Variants in CHRDL1 observed in about 807,000 individuals in gnomAD.
The protein encoded by CHRDL1 is chordin-like protein 1.
Under a neutral mutation model 40.9 loss-of-function variants are expected in CHRDL1, and 19 were observed. The ratio of observed to expected loss-of-function variants is 0.46; its 90% confidence interval spans 0.32 to 0.68. CHRDL1 has a LOEUF of 0.68. Among genes scored for constraint, CHRDL1 ranks in the 30% least tolerant of loss-of-function variants. The pLI, the probability that CHRDL1 is intolerant of heterozygous loss-of-function variation, is 0.03. For missense variants in CHRDL1, 329 were observed against 352.1 expected, an observed-to-expected ratio of 0.93 and a Z score of 0.53; for synonymous variants, 136 against 123.4, an observed-to-expected ratio of 1.10 and a Z score of -0.68.
At chrX:110,762,156 G>A (rs1353535403) in intron 3 of CHRDL1, among the ~76,000 whole-genome samples, 1 of 112,299 alleles carries the variant, frequency 8.9e-6, no homozygotes, top group Non-Finnish European at 1.9e-5. Flanking sequence ...ATATCATTAG[G>A]CTAAGAGATC....
At chrX:110,725,923 T>C (rs1054495044) in intron 4 of CHRDL1, among the ~76,000 whole-genome samples, 14 of 111,380 alleles carry the variant, frequency 1.3e-4, no homozygotes, top group African/African-American at 4.6e-4. Context: ...AGAAGGGACA[T>C]GGAAATGAAG....
intron 3 of CHRDL1, 115 bp from the exon 4 acceptor site, chrX:110,759,869 C>T (rs2089530673): frequency 1.9e-6 from 1 of 522,985 alleles, no homozygotes; most frequent in Admixed American, 2.6e-5. Flanking sequence ...AATGCATTCC[C>T]AAGAAGCTGA....
intron 5 of CHRDL1, among the ~76,000 whole-genome samples, chrX:110,720,147 C>T (rs1407943514): frequency 9.0e-6 from 1 of 111,181 alleles, no homozygotes; most frequent in African/African-American, 3.3e-5. Context: ...AGTTAGCAAT[C>T]CTAGTCGAGC....
chrX:110,694,347 A>G lies in CHRDL1; in HGVS notation c.610-16T>C. 8.5e-7 allele frequency: 1 copy of G among 1,180,335 alleles called. No individual in the cohort carries two copies. Among genetic ancestry groups the G allele is most frequent in the Non-Finnish European group, 1.1e-6 (1 of 871,402 alleles). On this transcript the variant is annotated splice_polypyrimidine_tract_variant and intron_variant, in intron 7 of 11. Coordinates refer to ENST00000372042, the MANE Select transcript of CHRDL1 (RefSeq NM_001143981.2). ...AAGAATGTCTCTGTAAAATAACAAG[A>G]ACAAATTTAGTCCAAAAGCCACCAA...
At chrX:110,753,925 G>A (rs888985240) in intron 4 of CHRDL1, among the ~76,000 whole-genome samples, 22 of 112,406 alleles carry the variant, frequency 2.0e-4, no homozygotes, top group African/African-American at 6.8e-4. Flanking sequence ...TCATATGTGA[G>A]TGCTAAATAA....
chrX:110,681,477 C>T lies in CHRDL1; in HGVS notation c.1156+5G>A. On this transcript the variant is annotated splice_donor_5th_base_variant and intron_variant, in intron 10 of 11. Transcript: ENST00000372042. ...AAGATGAGAAATTAATGTTGTCTTG[C>T]TCACCCTTTCGAATAGTCCAAACGT... 1 of 1,200,116 alleles carries T rather than the reference C, an allele frequency of 8.3e-7. No individual in the cohort carries two copies. Among genetic ancestry groups the T allele is most frequent in the Non-Finnish European group, 1.1e-6 (1 of 886,842 alleles).
intron 4 of CHRDL1, among the ~76,000 whole-genome samples, chrX:110,725,021 G>T (rs1039474253): frequency 9.0e-6 from 1 of 111,622 alleles, no homozygotes; most frequent in Non-Finnish European, 1.9e-5. Flanking sequence ...GGCCCCTCAG[G>T]GAATGCTACA....
intron 2 of CHRDL1, among the ~76,000 whole-genome samples, chrX:110,791,534 C>A (rs2090100323): frequency 8.9e-6 from 1 of 111,909 alleles, no homozygotes; most frequent in South Asian, 3.7e-4. Flanking sequence ...CGGGGATGTT[C>A]TTTTCAATAA....
intron 7 of CHRDL1, among the ~76,000 whole-genome samples, chrX:110,697,197 G>A (rs769144897): frequency 9.0e-6 from 1 of 110,512 alleles, no homozygotes; most frequent in East Asian, 2.8e-4. Context: ...GGCTTTAGAG[G>A]TGGCTCTAAA....
intron 3 of CHRDL1, among the ~76,000 whole-genome samples, chrX:110,760,714 G>T (rs1424092266): frequency 8.9e-6 from 1 of 111,891 alleles, no homozygotes; most frequent in Non-Finnish European, 1.9e-5. Flanking sequence ...TTTAATACAT[G>T]CCCTAACCAT....
At chrX:110,700,853 C>T in intron 6 of CHRDL1, 132 bp from the exon 7 acceptor site, 2 of 425,499 alleles carry the variant, frequency 4.7e-6, no homozygotes, top group South Asian at 1.0e-4. Flanking sequence ...TGTGGCTGTC[C>T]TTCAAAAAGC....
chrX:110,706,239 CT>C (rs199710820), intron 6 of CHRDL1, among the ~76,000 whole-genome samples: 1,935 of 111,541 alleles, frequency 0.017, 37 homozygotes, highest in African/African-American at 0.059. Context: ...TCAGCCAAGT[CT>C]TTTTGTAAAA....
At chrX:110,756,954 A>T (rs758297479) in intron 4 of CHRDL1, among the ~76,000 whole-genome samples, 7 of 112,242 alleles carry the variant, frequency 6.2e-5, no homozygotes, top group African/African-American at 2.3e-4. Context: ...CATCATGTAG[A>T]TGTCTTTTTA....
At chrX:110,719,995 C>G (rs1441960743) in intron 5 of CHRDL1, 67 bp from the exon 6 acceptor site, 3 of 671,459 alleles carry the variant, frequency 4.5e-6, no homozygotes, top group Non-Finnish European at 6.9e-6. Context: ...CACTTAATAC[C>G]TGAAATAGAG....
chrX:110,693,952 G>T (rs1265683668), intron 8 of CHRDL1, among the ~76,000 whole-genome samples: 1 of 111,288 alleles, frequency 9.0e-6, no homozygotes, highest in Non-Finnish European at 1.9e-5. Context: ...TTTACAAAAG[G>T]GACCGGACTA....
intron 4 of CHRDL1, among the ~76,000 whole-genome samples, chrX:110,751,808 G>T (rs2089364111): frequency 9.0e-6 from 1 of 111,437 alleles, no homozygotes; most frequent in Non-Finnish European, 1.9e-5. Context: ...TGTATTAAAG[G>T]GATAGCTACA....
chrX:110,678,644 T>C (rs187475672), intron 11 of CHRDL1, among the ~76,000 whole-genome samples: 73 of 111,897 alleles, frequency 6.5e-4, no homozygotes, highest in African/African-American at 2.0e-3. Context: ...AGCACTTTGA[T>C]ATTTAACTCC....
intron 6 of CHRDL1, among the ~76,000 whole-genome samples, chrX:110,717,729 C>T (rs189626572): frequency 1.6e-3 from 183 of 112,136 alleles, no homozygotes; most frequent in African/African-American, 5.7e-3. Context: ...TATAGTAAGT[C>T]CAAATACATG....
intron 2 of CHRDL1, among the ~76,000 whole-genome samples, chrX:110,784,741 C>A (rs899349116): frequency 9.0e-6 from 1 of 111,137 alleles, no homozygotes; most frequent in Non-Finnish European, 1.9e-5. Flanking sequence ...GCAAACCCAT[C>A]GAAAAGAAAA....
Sources: gnomAD v4.1 joint callset for allele counts (sites outside exome capture counted in the v4.1 genomes callset) on GRCh38, gnomAD v4.1.1 for gene constraint, MANE v1.5 for transcripts, NCBI Gene and HGNC (gene_info 2026-07-23, HGNC 2026-07-21) for gene names.